The following HNRNPLL variants were observed in gnomAD, a reference collection of about 807,000 sequenced individuals.
HNRNPLL encodes the protein heterogeneous nuclear ribonucleoprotein L-like.
In HNRNPLL, 25 loss-of-function variants were observed where a neutral mutation model predicts 67.1. The ratio of observed to expected loss-of-function variants is 0.37; its 90% CI spans 0.27 to 0.52. The LOEUF (loss-of-function observed/expected upper bound fraction) is 0.52, where lower values mean the gene tolerates loss of function less well. Among genes scored for constraint, HNRNPLL ranks in the 20% least tolerant of loss-of-function variants. The pLI is 0.90. For synonymous variants in HNRNPLL, 267 were observed against 241.7 expected (o/e 1.10, Z -0.97); for missense variants, 542 against 673.9 (o/e 0.80, Z 2.17).
In HNRNPLL at chr2:38,562,889, A is replaced by T. The variant is rs2148328574; in HGVS notation, c.*1293T>A. On this transcript the variant is annotated 3_prime_UTR_variant, in exon 13 of 13. Transcript: ENST00000449105. ...AAAAGGATTTTTTATATTAAAATTTAAAATAAAGTCTTTACAAAAGATCTA... is the reference window on the plus strand; with the variant it reads ...AAAAGGATTTTTTATATTAAAATTTTAAATAAAGTCTTTACAAAAGATCTA... 6.6e-6 allele frequency: 1 copy of T among 152,224 alleles called. No individual in the cohort carries two copies. The highest frequency in any genetic ancestry group is 2.1e-4 in the South Asian group (1 of 4,820). The allele number at this position is 152,224 out of a possible 1,614,324, so 9.4% of individuals were successfully genotyped here.
intron 8 of HNRNPLL, among the ~76,000 whole-genome samples, chr2:38,572,898 A>T (rs1220798152): frequency 1.3e-5 from 2 of 152,066 alleles, no homozygotes; most frequent in African/African-American, 4.8e-5. Context: ...TAAACGCTAG[A>T]ATCACTTTGA....
intron 6 of HNRNPLL, 27 bp downstream of exon 6, chr2:38,581,886 A>G: frequency 6.8e-7 from 1 of 1,480,126 alleles, no homozygotes; most frequent in Non-Finnish European, 9.4e-7. Flanking sequence ...CAGATCAAGT[A>G]CATTCTAAAA....
intron 4 of HNRNPLL, among the ~76,000 whole-genome samples, chr2:38,582,570 A>C (rs1473618795): frequency 2.0e-5 from 3 of 151,550 alleles, no homozygotes; most frequent in Non-Finnish European, 2.9e-5. Context: ...TCGGCCTCCC[A>C]AAGTGCTGGG....
At chr2:38,566,365 TCAAAAAAAAAAAAC>T (rs1368460890) in intron 12 of HNRNPLL, among the ~76,000 whole-genome samples, 3 of 88,558 alleles carry the variant, frequency 3.4e-5, no homozygotes, top group East Asian at 3.2e-4. Context: ...AAGACTCGTC[TCAAAAAAAAAAAAC>T]CAAAAAAAAA....
chr2:38,582,599 T>C (rs7573095), intron 4 of HNRNPLL, among the ~76,000 whole-genome samples: 21,405 of 151,776 alleles, frequency 0.14, 1,608 homozygotes, highest in Non-Finnish European at 0.15. Context: ...CGTGAGTCAC[T>C]GCGCCTGGCC....
chr2:38,568,817 G>A (rs1665965229), intron 10 of HNRNPLL, among the ~76,000 whole-genome samples: 1 of 152,018 alleles, frequency 6.6e-6, no homozygotes, highest in African/African-American at 2.4e-5. Context: ...AAACAATATG[G>A]ATAGAGAAAA....
In HNRNPLL at chr2:38,598,992, A is replaced by G. The variant is rs555104309; in HGVS notation, c.189+3446T>C. Among the ~76,000 whole-genome samples the G allele has an allele frequency of 5.3e-5, 8 of 152,304 alleles. No homozygotes were observed. The South Asian group carries it at 1.5e-3, about 28-fold the overall frequency. ...AAGTAGTTACTACACAGTCTTCTAA[A>G]CTTCTCCTGTGAGAGCTAAGTGACC... On this transcript the variant is annotated intron_variant, in intron 1 of 12. Coordinates refer to ENST00000449105, the MANE Select transcript of HNRNPLL (RefSeq NM_138394.4).
At chr2:38,592,758 T>C (rs1667013894) in intron 1 of HNRNPLL, among the ~76,000 whole-genome samples, 1 of 152,242 alleles carries the variant, frequency 6.6e-6, no homozygotes, top group Admixed American at 6.5e-5. Context: ...GCACTTCTCT[T>C]GCATCGTAAC....
chr2:38,580,032 C>T (rs539731268), intron 6 of HNRNPLL, among the ~76,000 whole-genome samples: 17 of 152,322 alleles, frequency 1.1e-4, no homozygotes, highest in African/African-American at 4.1e-4. Flanking sequence ...GAACTAACCT[C>T]AGCTGGCTTT....
intron 4 of HNRNPLL, among the ~76,000 whole-genome samples, chr2:38,583,244 A>T (rs73929081): frequency 2.6e-5 from 4 of 152,262 alleles, no homozygotes; most frequent in Non-Finnish European, 2.9e-5. Context: ...AAGATAAAAC[A>T]TAAGTCCCTT....
chr2:38,588,542 A>G (rs10202408), intron 2 of HNRNPLL, among the ~76,000 whole-genome samples: 101,559 of 126,928 alleles, frequency 0.8, 41,239 homozygotes, highest in East Asian at 0.96. Flanking sequence ...GTGAAACTCC[A>G]TCTCAAAAAA....
intron 2 of HNRNPLL, among the ~76,000 whole-genome samples, chr2:38,586,903 A>C (rs1666757154): frequency 6.6e-6 from 1 of 152,214 alleles, no homozygotes; most frequent in South Asian, 2.1e-4. Flanking sequence ...TTAATACAGG[A>C]AATGAAGAAT....
intron 5 of HNRNPLL, 21 bp downstream of exon 5, chr2:38,582,051 G>C (rs753688481): frequency 1.2e-6 from 2 of 1,600,606 alleles, no homozygotes; most frequent in Non-Finnish European, 1.7e-6. Context: ...TCTTGGGTAG[G>C]GTGTTGAAAA....
chr2:38,575,455 C>T (rs1190373827), intron 7 of HNRNPLL, among the ~76,000 whole-genome samples: 1 of 151,918 alleles, frequency 6.6e-6, no homozygotes, highest in Non-Finnish European at 1.5e-5. Context: ...TACACAAACT[C>T]TTCTTGAGCT....
intron 4 of HNRNPLL, among the ~76,000 whole-genome samples, chr2:38,582,537 CTT>C (rs1229799345): frequency 6.6e-6 from 1 of 152,182 alleles, no homozygotes; most frequent in Non-Finnish European, 1.5e-5. Flanking sequence ...GTCTCGATCT[CTT>C]GACTTCGTGA....
chr2:38,565,553 T>A (rs1227334552), intron 12 of HNRNPLL, among the ~76,000 whole-genome samples: 2 of 151,230 alleles, frequency 1.3e-5, no homozygotes, highest in African/African-American at 4.9e-5. Flanking sequence ...GTAAAAAAAA[T>A]TTAAAAATAA....
intron 7 of HNRNPLL, among the ~76,000 whole-genome samples, chr2:38,575,859 TCTTA>T (rs1472274475): frequency 2.0e-5 from 3 of 151,724 alleles, no homozygotes; most frequent in East Asian, 1.9e-4. Flanking sequence ...CTATTACTCA[TCTTA>T]CTTCTCTTCT....
At chr2:38,570,228 A>G (rs1573723055) in intron 8 of HNRNPLL, among the ~76,000 whole-genome samples, 1 of 152,220 alleles carries the variant, frequency 6.6e-6, no homozygotes, top group South Asian at 2.1e-4. Context: ...CGCTGAAAAT[A>G]CAGATAATAC....
At chr2:38,596,010 A>G (rs1157233946) in intron 1 of HNRNPLL, among the ~76,000 whole-genome samples, 1 of 151,918 alleles carries the variant, frequency 6.6e-6, no homozygotes. Flanking sequence ...GGATATTTCT[A>G]TTTTTAAATT....
Sources: allele counts gnomAD v4.1 joint callset (sites outside exome capture counted in the v4.1 genomes callset), GRCh38; gene constraint gnomAD v4.1.1; transcripts MANE v1.5; gene names NCBI Gene and HGNC (gene_info 2026-07-23, HGNC 2026-07-21).